Variants in EPB41L5 observed in about 807,000 individuals in gnomAD.
EPB41L5 encodes the protein band 4.1-like protein 5.
Under a neutral mutation model 106.6 loss-of-function variants are expected in EPB41L5, and 55 were observed. The ratio of observed to expected loss-of-function variants is 0.52; its 90% CI spans 0.42 to 0.65. The LOEUF is 0.65. Among genes scored for constraint, EPB41L5 ranks in the 30% least tolerant of loss-of-function variants. EPB41L5 has a pLI of 0.00. For missense variants in EPB41L5, 871 were observed against 882.1 expected (o/e 0.99, Z 0.16); for synonymous variants, 297 against 306.7 (o/e 0.97, Z 0.33).
chr2:120,100,376 G>T (rs1210524487), intron 15 of EPB41L5, 90 bp downstream of exon 15: 4 of 1,213,684 alleles, frequency 3.3e-6, no homozygotes, highest in Non-Finnish European at 4.8e-6. Context: ...AGTGGTGTAT[G>T]TAACCCTGCA....
At chr2:120,099,604 T>C (rs1684009956) in intron 14 of EPB41L5, among the ~76,000 whole-genome samples, 1 of 152,064 alleles carries the variant, frequency 6.6e-6, no homozygotes, top group Non-Finnish European at 1.5e-5. Context: ...ATTTTTTGTA[T>C]TTTTAGTAGA....
intron 17 of EPB41L5, among the ~76,000 whole-genome samples, chr2:120,131,008 T>C (rs1685664079): frequency 6.6e-6 from 1 of 152,252 alleles, no homozygotes; most frequent in Non-Finnish European, 1.5e-5. Context: ...AGTCTTCATT[T>C]AAAGATGAAT....
At chr2:120,041,513 C>T (rs1014597463) in intron 2 of EPB41L5, among the ~76,000 whole-genome samples, 2 of 152,078 alleles carry the variant, frequency 1.3e-5, no homozygotes, top group Non-Finnish European at 2.9e-5. Context: ...TTATTTCTTA[C>T]CTTACGTTCT....
rs1687994006 is a variant in EPB41L5 at position 120,178,486 on chromosome 2, A to G, written c.*3579A>G. 1 of 151,840 alleles carries G rather than the reference A, an allele frequency of 6.6e-6. No individual in the cohort carries two copies. Among genetic ancestry groups the G allele is most frequent in the East Asian group, 1.9e-4 (1 of 5,150 alleles). 9.4% of individuals were successfully genotyped at this position (151,840 alleles called of 1,614,324 possible). On this transcript the variant is annotated 3_prime_UTR_variant, in exon 25 of 25. Transcript: ENST00000263713. ...CTTTGTGAGTTCCCACCAACTTTTA[A>G]TTATTCATGCCCTTGACCATGTGGT...
Position 120,174,787 on chromosome 2 carries a change from T to C in EPB41L5, c.2136-54T>C. The C allele has an allele frequency of 4.0e-6, 6 of 1,487,270 alleles. No individual in the cohort carries two copies. In the South Asian group the frequency reaches 6.8e-5, roughly 17 times the overall value. 92.1% of individuals were successfully genotyped at this position (1,487,270 alleles called of 1,614,324 possible). On this transcript the variant is annotated intron_variant, in intron 24 of 24. Transcript: ENST00000263713. ...TGTGGCACTAATGGAGACATGAATG[T>C]CCTCCTCCAAACCCCAGGGGTTCCC...
At chr2:120,171,575 T>C (rs1028224246) in intron 24 of EPB41L5, among the ~76,000 whole-genome samples, 16 of 152,236 alleles carry the variant, frequency 1.1e-4, no homozygotes, top group African/African-American at 1.2e-4. Context: ...TTCCTTCTTT[T>C]CTCAGTTTCC....
At chr2:120,064,377 A>G (rs562352681) in intron 3 of EPB41L5, among the ~76,000 whole-genome samples, 3 of 152,190 alleles carry the variant, frequency 2.0e-5, no homozygotes, top group East Asian at 3.9e-4. Flanking sequence ...TTTATTAGAG[A>G]CATGTAGGTT....
At chr2:120,035,057 G>A (rs1368310329) in intron 2 of EPB41L5, among the ~76,000 whole-genome samples, 1 of 152,052 alleles carries the variant, frequency 6.6e-6, no homozygotes, top group East Asian at 1.9e-4. Context: ...TGGGAATTTT[G>A]CATTTGTTGT....
At chr2:120,098,156 T>TTGTGTGTGTG (rs60975047) in intron 14 of EPB41L5, among the ~76,000 whole-genome samples, 17,846 of 133,532 alleles carry the variant, frequency 0.13, 1,452 homozygotes, top group South Asian at 0.24. Flanking sequence ...ATTGTTTGTT[T>TTGTGTGTGTG]TGTGTGTGTG....
Position 120,076,961 on chromosome 2 carries a change from A to C in EPB41L5, c.506-10A>C. ...GAAATACATATAACTTTTGAAACTT[A>C]TGTTTATAGCTGAACTTGGTGACTA... On this transcript the variant is annotated splice_polypyrimidine_tract_variant and intron_variant, in intron 7 of 24. Transcript: ENST00000263713. The C allele has an allele frequency of 5.1e-6, 8 of 1,576,744 alleles. No individual in the cohort carries two copies. The highest frequency in any genetic ancestry group is 6.9e-6 in the Non-Finnish European group (8 of 1,162,866).
Position 120,038,314 on chromosome 2 carries a change from G to A in EPB41L5, c.181-3692G>A, listed in dbSNP as rs72840489. Reference sequence around the variant, plus strand: ...GAATGGAAATTTGAATCAGAGCCACGATGAGAGAGACTGATTCATACCTAT... The same window carrying A: ...GAATGGAAATTTGAATCAGAGCCACAATGAGAGAGACTGATTCATACCTAT... On this transcript the variant is annotated intron_variant, in intron 2 of 24. Coordinates refer to ENST00000263713, the MANE Select transcript of EPB41L5 (RefSeq NM_020909.4). Among the ~76,000 whole-genome samples, 3 of 152,124 alleles carry A rather than the reference G, an allele frequency of 2.0e-5. No individual in the cohort carries two copies. In the East Asian group the frequency reaches 5.8e-4, roughly 29 times the overall value.
chr2:120,049,815 C>A (rs1270793622), intron 3 of EPB41L5, among the ~76,000 whole-genome samples: 2 of 152,124 alleles, frequency 1.3e-5, no homozygotes, highest in Non-Finnish European at 2.9e-5. Context: ...TTGTTCCTTT[C>A]CGTGTTTAGT....
At chr2:120,080,257 C>CG in intron 10 of EPB41L5, among the ~76,000 whole-genome samples, 1 of 151,902 alleles carries the variant, frequency 6.6e-6, no homozygotes, top group Non-Finnish European at 1.5e-5. Context: ...ATCCCTCCCC[C>CG]TCCCCCAACC....
At chr2:120,132,814 A>G (rs1336117154) in intron 18 of EPB41L5, among the ~76,000 whole-genome samples, 1 of 152,024 alleles carries the variant, frequency 6.6e-6, no homozygotes, top group Non-Finnish European at 1.5e-5. Context: ...ACTAATGGAA[A>G]TTTAGTGGAG....
chr2:120,149,383 A>G (rs1014974365), intron 20 of EPB41L5, among the ~76,000 whole-genome samples: 2 of 152,018 alleles, frequency 1.3e-5, no homozygotes, highest in Admixed American at 6.6e-5. Context: ...AACCCCATCT[A>G]CCCTGCACTG....
At chr2:120,081,266 A>C (rs1398838837) in intron 10 of EPB41L5, among the ~76,000 whole-genome samples, 6 of 152,156 alleles carry the variant, frequency 3.9e-5, no homozygotes, top group Non-Finnish European at 7.3e-5. Context: ...TCTTTAATCC[A>C]TCTTGAATTG....
Position 120,089,875 on chromosome 2 carries a change from A to G in EPB41L5, c.874-472A>G, listed in dbSNP as rs574773905. On this transcript the variant is annotated intron_variant, in intron 11 of 24. Transcript: ENST00000263713. ...TGAGCCTCAGTTTCCTTATCTATGA[A>G]ATGGGGCTAATGATAGTATCTACTC... 2.0e-5 allele frequency among the ~76,000 whole-genome samples: 3 copies of G among 152,148 alleles called. No individual in the cohort carries two copies. The Middle Eastern group carries it at 0.01, about 518-fold the overall frequency.
chr2:120,048,552 T>C (rs1244757460), intron 3 of EPB41L5, among the ~76,000 whole-genome samples: 1 of 152,160 alleles, frequency 6.6e-6, no homozygotes, highest in Admixed American at 6.5e-5. Flanking sequence ...TTCTGTCTAT[T>C]AGTCTTGCTA....
chr2:120,087,105 C>A, intron 10 of EPB41L5, 66 bp from the exon 11 acceptor site: 1 of 1,021,682 alleles, frequency 9.8e-7, no homozygotes. Context: ...GAAATAAAAA[C>A]AATTTTTTTC....
Sources: allele counts gnomAD v4.1 joint callset (sites outside exome capture counted in the v4.1 genomes callset), GRCh38; gene constraint gnomAD v4.1.1; transcripts MANE v1.5; gene names NCBI Gene and HGNC (gene_info 2026-07-23, HGNC 2026-07-21).